Variants in ANAPC5 observed in about 807,000 individuals in gnomAD.
The protein encoded by ANAPC5 is anaphase-promoting complex subunit 5.
Under a neutral mutation model 91.3 loss-of-function variants are expected in ANAPC5, and 60 were observed. That is an observed-to-expected ratio of 0.66 (90% CI 0.53 to 0.81). The LOEUF (loss-of-function observed/expected upper bound fraction) is 0.81. Ranked by LOEUF, ANAPC5 falls within the 40% of genes least tolerant of loss-of-function variation. The pLI is 0.00. For missense variants in ANAPC5, 690 were observed against 931.5 expected (o/e 0.74, Z 3.37); for synonymous variants, 340 against 364.1 (o/e 0.93, Z 0.75).
chr12:121,344,719 G>A (rs1408126406), intron 4 of ANAPC5, among the ~76,000 whole-genome samples: 2 of 152,188 alleles, frequency 1.3e-5, no homozygotes, highest in Non-Finnish European at 1.5e-5. Context: ...CCAGGGAAGA[G>A]CATTCTAGGC....
chr12:121,349,542 T>C (rs1903803283), intron 1 of ANAPC5, among the ~76,000 whole-genome samples: 1 of 151,390 alleles, frequency 6.6e-6, no homozygotes, highest in South Asian at 2.1e-4. Flanking sequence ...CCCAGGTGAC[T>C]GAGGGAGTGA....
rs1404323869 is a variant in ANAPC5 at position 121,352,365 on chromosome 12, C to T, written c.-25G>A. Reference sequence around the variant, plus strand: ...TGGCGGCCCGAGACTAAGTCTCGGGCCCGCGGCGCGCTGCCGCCAGTTGTC... The same window carrying T: ...TGGCGGCCCGAGACTAAGTCTCGGGTCCGCGGCGCGCTGCCGCCAGTTGTC... On this transcript the variant is annotated 5_prime_UTR_variant, in exon 1 of 17. Coordinates refer to ENST00000261819, the MANE Select transcript of ANAPC5 (RefSeq NM_016237.5). 4 of 1,570,772 alleles carry T rather than the reference C, an allele frequency of 2.5e-6. No homozygotes were observed. Among genetic ancestry groups the T allele is most frequent in the Admixed American group, 1.9e-5 (1 of 53,030 alleles).
chr12:121,348,507 A>G (rs543315836), intron 1 of ANAPC5, among the ~76,000 whole-genome samples: 1 of 152,206 alleles, frequency 6.6e-6, no homozygotes, highest in Admixed American at 6.5e-5. Context: ...TCTACTAAAA[A>G]CACAAAAATT....
In ANAPC5 at chr12:121,352,375, G is replaced by A. The variant is rs11541850; in HGVS notation, c.-35C>T. On this transcript the variant is annotated 5_prime_UTR_variant, in exon 1 of 17. Coordinates refer to ENST00000261819, the MANE Select transcript of ANAPC5 (RefSeq NM_016237.5). ...AGACTAAGTCTCGGGCCCGCGGCGCGCTGCCGCCAGTTGTCACCACAAGGC... is the reference window on the plus strand; with the variant it reads ...AGACTAAGTCTCGGGCCCGCGGCGCACTGCCGCCAGTTGTCACCACAAGGC... 54,565 of 1,551,734 alleles carry A rather than the reference G, an allele frequency of 0.035. 1,063 individuals carry two copies. Among genetic ancestry groups the A allele is most frequent in the Non-Finnish European group, 0.039 (44,877 of 1,138,986 alleles).
At chr12:121,315,882 AGATTT>A (rs1432244796) in intron 15 of ANAPC5, among the ~76,000 whole-genome samples, 23 of 152,342 alleles carry the variant, frequency 1.5e-4, no homozygotes, top group African/African-American at 4.6e-4. Context: ...TCATGACATT[AGATTT>A]GTCAGTATCT....
intron 7 of ANAPC5, 50 bp downstream of exon 7, chr12:121,335,483 T>A: frequency 6.5e-7 from 1 of 1,530,492 alleles, no homozygotes; most frequent in Middle Eastern, 1.8e-4. Flanking sequence ...AGACTTTTTA[T>A]TGTCATCGGT....
chr12:121,319,804 A>C lies in ANAPC5; in HGVS notation c.1530T>G (p.Cys510Trp). ...CTCTGTCAAACTGTATTTTTTGATC[A>C]CATAGCATCCATAACTAGTAAGAAA... ...NSQHAQLWML[C>W]DQKIQFDRAM... Residue 510 changes from cysteine (C) to tryptophan (W), a missense_variant, in exon 13 of 17, where the codon TGT (cysteine) becomes TGG (tryptophan). By Grantham distance (215) the Cys-to-Trp change is radical. This residue lies in a region of ANAPC5 where 317 missense variants were observed against 438.7 expected (regional missense o/e 0.72). Coordinates refer to ENST00000261819, the MANE Select transcript of ANAPC5 (RefSeq NM_016237.5). 1 of 1,605,884 alleles carries C rather than the reference A, an allele frequency of 6.2e-7. No individual in the cohort carries two copies. The highest frequency in any genetic ancestry group is 2.2e-5 in the East Asian group (1 of 44,698).
In ANAPC5 at chr12:121,321,343, CTTTTTT is replaced by C. The variant is rs71079053; in HGVS notation, c.1441-890_1441-885del. Among the ~76,000 whole-genome samples, 926 of 100,684 alleles carry C rather than the reference CTTTTTT, an allele frequency of 9.2e-3. 11 individuals carry two copies. The highest frequency in any genetic ancestry group is 0.032 in the African/African-American group (849 of 26,586). The allele number at this position is 100,684 out of a possible 152,430, so 66.1% of individuals were successfully genotyped here. On this transcript the variant is annotated intron_variant, in intron 11 of 16. Coordinates refer to ENST00000261819, the MANE Select transcript of ANAPC5 (RefSeq NM_016237.5). ...CATGTAAACAAGAACAAACAAATTACTTTTTTTTTTTTTTTTTTTTTTTTATGAGAC... is the reference window on the plus strand; with the variant it reads ...CATGTAAACAAGAACAAACAAATTACTTTTTTTTTTTTTTTTTTATGAGAC...
chr12:121,338,753 T>A (rs1175911517), intron 5 of ANAPC5, among the ~76,000 whole-genome samples: 1 of 151,194 alleles, frequency 6.6e-6, no homozygotes, highest in Non-Finnish European at 1.5e-5. Flanking sequence ...ATTATCCTAG[T>A]CTTTGTTCTG....
intron 16 of ANAPC5, among the ~76,000 whole-genome samples, chr12:121,309,453 T>G (rs1223585678): frequency 1.3e-5 from 2 of 152,014 alleles, no homozygotes; most frequent in African/African-American, 4.8e-5. Flanking sequence ...AAAAAAAGTC[T>G]TTAACTCCTG....
At chr12:121,314,066 A>C (rs1902262750) in intron 15 of ANAPC5, among the ~76,000 whole-genome samples, 1 of 152,214 alleles carries the variant, frequency 6.6e-6, no homozygotes, top group African/African-American at 2.4e-5. Flanking sequence ...TTACTCCAGG[A>C]ATGCAAGGTA....
At chr12:121,322,735 G>A (rs1902666936) in intron 11 of ANAPC5, among the ~76,000 whole-genome samples, 2 of 152,122 alleles carry the variant, frequency 1.3e-5, no homozygotes, top group East Asian at 1.9e-4. Context: ...TAAAACCTTA[G>A]AAGTAGGCTG....
Position 121,346,095 on chromosome 12 carries a change from C to G in ANAPC5, c.398-64G>C. On this transcript the variant is annotated intron_variant, in intron 3 of 16. Coordinates refer to ENST00000261819, the MANE Select transcript of ANAPC5 (RefSeq NM_016237.5). The stretch of plus-strand genomic sequence containing the variant: ...TGACATCCAGGCTACGCAATGGCAA[C>G]TCCACAATGGCAATGACTGTCTGCT... The G allele has an allele frequency of 2.3e-6, 3 of 1,319,882 alleles. No homozygotes were observed. In the Admixed American group the frequency reaches 6.6e-5, roughly 29 times the overall value. 81.8% of individuals were successfully genotyped at this position (1,319,882 alleles called of 1,614,324 possible).
At chr12:121,317,309 G>A (rs1442593632) in intron 15 of ANAPC5, among the ~76,000 whole-genome samples, 4 of 149,328 alleles carry the variant, frequency 2.7e-5, no homozygotes, top group Admixed American at 6.7e-5. Context: ...CTGGGAGTAC[G>A]GTGTCACGAT....
At chr12:121,319,505 A>ATTACAGGTGTAAGTCACCATGCCCAG (rs529307347) in intron 13 of ANAPC5, among the ~76,000 whole-genome samples, 192 bp downstream of exon 13, 2 of 152,138 alleles carry the variant, frequency 1.3e-5, no homozygotes, top group East Asian at 1.9e-4. Context: ...AAGTGCTGGG[A>ATTACAGGTGTAAGTCACCATGCCCAG]TTACAGGTGT....
At position 121,335,476 on chromosome 12, in the gene ANAPC5, C is replaced by A. The variant is rs533136122; in HGVS notation, c.950+57G>T. 1.3e-5 allele frequency: 20 copies of A among 1,526,508 alleles called. No individual in the cohort carries two copies. In the African/African-American group the frequency reaches 2.5e-4, roughly 19 times the overall value. 94.6% of individuals were successfully genotyped at this position (1,526,508 alleles called of 1,614,324 possible). A position where few individuals can be genotyped will look rare whatever the true frequency, so the allele number is the denominator to read the frequency against. The stretch of plus-strand genomic sequence containing the variant: ...CCACCGCACCAGGCCAAACAGCAGA[C>A]TTTTTATTGTCATCGGTTCCTTCAA... On this transcript the variant is annotated intron_variant, in intron 7 of 16. Transcript: ENST00000261819.
At chr12:121,317,818 A>G (rs1432391312) in intron 15 of ANAPC5, 1 of 152,642 alleles carries the variant, frequency 6.6e-6, no homozygotes, top group Admixed American at 6.5e-5. Flanking sequence ...TGTAGGGCCT[A>G]TAAGGTACTA....
chr12:121,335,443 G>A lies in ANAPC5; in HGVS notation c.950+90C>T, dbSNP rs970835306. The A allele has an allele frequency of 1.1e-4, 153 of 1,437,356 alleles. 1 individual carries two copies. The highest frequency in any genetic ancestry group is 1.3e-4 in the Non-Finnish European group (142 of 1,068,418). 89.0% of individuals were successfully genotyped at this position (1,437,356 alleles called of 1,614,324 possible). A position where few individuals can be genotyped will look rare whatever the true frequency, so the allele number is the denominator to read the frequency against. ...GGCCTCCCAAAGTGCTGGGACTATA[G>A]GCGTGAGCCACCGCACCAGGCCAAA... is the stretch of plus-strand genomic sequence containing the variant. On this transcript the variant is annotated intron_variant, in intron 7 of 16. Transcript: ENST00000261819.
At chr12:121,344,430 T>C (rs1246187642) in intron 4 of ANAPC5, among the ~76,000 whole-genome samples, 1 of 151,622 alleles carries the variant, frequency 6.6e-6, no homozygotes, top group Non-Finnish European at 1.5e-5. Context: ...AATACAAAAA[T>C]ATTAGCGGGT....
Sources: allele counts gnomAD v4.1 joint callset (sites outside exome capture counted in the v4.1 genomes callset), GRCh38; gene constraint gnomAD v4.1.1; regional missense constraint gnomAD v4.1.1; transcripts MANE v1.5; gene names NCBI Gene and HGNC (gene_info 2026-07-23, HGNC 2026-07-21).